BRI3: variants seen among roughly 807,000 people sequenced by gnomAD.
The protein encoded by BRI3 is membrane protein BRI3.
BRI3 carries 6 observed loss-of-function variants against 12.8 expected under a neutral mutation model. The ratio of observed to expected loss-of-function variants is 0.47; its 90% CI spans 0.26 to 0.93. BRI3 has a LOEUF of 0.93. Ranked by LOEUF, BRI3 falls within the 40% of genes least tolerant of loss-of-function variation. The probability of loss-of-function intolerance (pLI) is 0.15; values close to 1 mark genes in which losing one functional copy is unlikely to be tolerated. For synonymous variants in BRI3, 91 were observed against 76.1 expected (o/e 1.20, Z -1.02); for missense variants, 134 against 171.1 (o/e 0.78, Z 1.21).
chr7:98,304,332 T>G, upstream of BRI3: 1 of 1,613,708 alleles, frequency 6.2e-7, no homozygotes, highest in Non-Finnish European at 8.5e-7. Context: ...AACACTGCTA[T>G]TCTCAGACAA....
At chr7:98,313,791 A>ACT (rs200208619), downstream of BRI3, among the ~76,000 whole-genome samples, 32 of 133,760 alleles carry the variant, frequency 2.4e-4, no homozygotes, top group African/African-American at 9.0e-4. Context: ...GCTAATTAAA[A>ACT]CTTTTTTTTT....
chr7:98,292,792 C>A, downstream of BRI3: 1 of 1,541,178 alleles, frequency 6.5e-7, no homozygotes, highest in Non-Finnish European at 8.8e-7. Flanking sequence ...GCCGTGACTC[C>A]GACGCCCAGG....
chr7:98,287,143 C>T (rs1051255174), intron 2 of BRI3, among the ~76,000 whole-genome samples: 3 of 152,260 alleles, frequency 2.0e-5, no homozygotes, highest in African/African-American at 7.2e-5. Flanking sequence ...CCTGAGCCTC[C>T]TGGGACAGCT....
the BRI3 span, among the ~76,000 whole-genome samples, chr7:98,321,135 A>G: frequency 6.6e-6 from 1 of 152,198 alleles, no homozygotes; most frequent in Non-Finnish European, 1.5e-5. Flanking sequence ...CTGGGATGAC[A>G]GGTGTGAGCC....
downstream of BRI3, chr7:98,292,418 C>A: frequency 1.8e-6 from 1 of 562,476 alleles, no homozygotes; most frequent in Non-Finnish European, 3.2e-6. Flanking sequence ...AGGTGATCCC[C>A]CTGCCTCGGC....
chr7:98,296,909 C>T (rs751966341), downstream of BRI3, among the ~76,000 whole-genome samples: 6 of 152,258 alleles, frequency 3.9e-5, no homozygotes, highest in Non-Finnish European at 8.8e-5. Flanking sequence ...GCATACCTCA[C>T]ACTCAGCCCA....
chr7:98,281,999 C>A, intron 1 of BRI3, 62 bp downstream of exon 1: 1 of 1,295,146 alleles, frequency 7.7e-7, no homozygotes, highest in Non-Finnish European at 9.8e-7. Flanking sequence ...GGTCGGGGGA[C>A]GTGGGTCCGG....
chr7:98,320,030 TG>T, the BRI3 span: 1 of 1,596,974 alleles, frequency 6.3e-7, no homozygotes, highest in Non-Finnish European at 8.6e-7. Flanking sequence ...AGCCCAAGGC[TG>T]GGGCTGGAGG....
chr7:98,290,243 T>C (rs1332600889), intron 2 of BRI3, among the ~76,000 whole-genome samples: 8 of 139,406 alleles, frequency 5.7e-5, no homozygotes, highest in Non-Finnish European at 1.1e-4. Flanking sequence ...GGCCGGACTG[T>C]GGACTGCAGT....
chr7:98,320,193 C>T, the BRI3 span: 153 of 1,589,064 alleles, frequency 9.6e-5, no homozygotes, highest in Non-Finnish European at 1.2e-4. Context: ...AGTTCTAAAA[C>T]CTGAAATGAG....
chr7:98,307,726 C>T lies in BRI3; in HGVS notation n.356C>T, dbSNP rs763956818. Reference sequence around the variant, plus strand: ...TCGTGTTCTCCATAGAGCCAGCCATCCTTCTCCTCGGGGATGAGCAGCGTG... The same window carrying T: ...TCGTGTTCTCCATAGAGCCAGCCATTCTTCTCCTCGGGGATGAGCAGCGTG... On this transcript the variant is annotated non_coding_transcript_exon_variant, in exon 2 of 2. Transcript: ENST00000485422. 4.3e-6 allele frequency: 7 copies of T among 1,614,132 alleles called. No individual in the cohort carries two copies. The East Asian group carries it at 1.3e-4, about 31-fold the overall frequency.
chr7:98,299,118 T>C (rs1477994767), intron 1 of BRI3, among the ~76,000 whole-genome samples: 3 of 152,060 alleles, frequency 2.0e-5, no homozygotes, highest in Non-Finnish European at 4.4e-5. Context: ...CGGGTTCAAC[T>C]GATTCTCCTG....
intron 1 of BRI3, among the ~76,000 whole-genome samples, chr7:98,299,076 C>T (rs768959745): frequency 7.9e-5 from 12 of 152,020 alleles, no homozygotes; most frequent in Non-Finnish European, 1.3e-4. Flanking sequence ...AGTGCAGTGG[C>T]GTGATCTTGG....
chr7:98,293,924 C>T (rs966212104), downstream of BRI3: 9 of 911,908 alleles, frequency 9.9e-6, no homozygotes, highest in East Asian at 2.5e-5. Flanking sequence ...GTTGGTAAAG[C>T]GAGCAGGGGG....
At chr7:98,292,404 C>A, downstream of BRI3, 1 of 545,950 alleles carries the variant, frequency 1.8e-6, no homozygotes, top group Non-Finnish European at 3.3e-6. Context: ...AGACTCCTGA[C>A]CTCAGGTGAT....
chr7:98,282,519 G>T lies in BRI3; in HGVS notation c.245+66G>T, dbSNP rs1584385553. The T allele has an allele frequency of 3.0e-6, 4 of 1,338,626 alleles. No homozygotes were observed. In the East Asian group the frequency reaches 9.4e-5, roughly 31 times the overall value. 82.9% of individuals were successfully genotyped at this position (1,338,626 alleles called of 1,614,324 possible). On this transcript the variant is annotated intron_variant, in intron 2 of 2. Transcript: ENST00000297290. ...TGAGGACCCCCGCCCTAACCCCCAG[G>T]ACCTCACAGCTCTGCTTGTGGGAGT...
downstream of BRI3, among the ~76,000 whole-genome samples, chr7:98,312,708 G>A (rs76080219): frequency 6.4e-3 from 970 of 152,242 alleles, 7 homozygotes; most frequent in African/African-American, 0.022. Context: ...TCAGACATTA[G>A]AGAAGTGAAT....
intron 1 of BRI3, among the ~76,000 whole-genome samples, chr7:98,299,410 G>T (rs73147342): frequency 0.4 from 61,190 of 151,970 alleles, 13,430 homozygotes; most frequent in Middle Eastern, 0.54. Context: ...CTCCCGCCTC[G>T]GCCTCCCAAA....
At chr7:98,312,301 G>C, downstream of BRI3, 1 of 1,567,284 alleles carries the variant, frequency 6.4e-7, no homozygotes, top group Non-Finnish European at 8.6e-7. Context: ...AGACAAAGAA[G>C]ATTGTCTGAA....
Sources: allele counts gnomAD v4.1 joint callset (sites outside exome capture counted in the v4.1 genomes callset), GRCh38; gene constraint gnomAD v4.1.1; transcripts MANE v1.5; gene names NCBI Gene and HGNC (gene_info 2026-07-23, HGNC 2026-07-21).